Variants in DPH6 observed in about 807,000 individuals in gnomAD.
DPH6 encodes diphthamine biosynthesis 6, also known as diphthine--ammonia ligase.
In DPH6, 33 loss-of-function variants were observed where a neutral mutation model predicts 38.2. That is an observed-to-expected ratio of 0.86 (90% CI 0.65 to 1.15). The LOEUF is 1.15. Among genes scored for constraint, DPH6 ranks in the 50% most tolerant of loss-of-function variants. The pLI, the probability that DPH6 is intolerant of heterozygous loss-of-function variation, is 0.00. For synonymous variants in DPH6, 108 were observed against 103.0 expected, an observed-to-expected ratio of 1.05 and a Z score of -0.30; for missense variants, 325 against 320.0, an observed-to-expected ratio of 1.02 and a Z score of -0.12.
intron 3 of DPH6, among the ~76,000 whole-genome samples, chr15:35,314,411 A>G (rs1483013561): frequency 6.6e-6 from 1 of 152,228 alleles, no homozygotes; most frequent in Non-Finnish European, 1.5e-5. Context: ...ATGTTAAACA[A>G]AAAGCAAATT....
intron 6 of DPH6, among the ~76,000 whole-genome samples, chr15:35,391,814 C>G (rs146479263): frequency 1.0e-3 from 154 of 152,312 alleles, no homozygotes; most frequent in Non-Finnish European, 1.7e-3. Context: ...CCTCGCCCTG[C>G]TTTGGCTCAT....
At chr15:35,507,392 T>C (rs913048013) in intron 3 of DPH6, among the ~76,000 whole-genome samples, 3 of 152,080 alleles carry the variant, frequency 2.0e-5, no homozygotes, top group African/African-American at 2.4e-5. Context: ...GTAATTTTAA[T>C]GAAAATTTGA....
At chr15:35,496,952 T>G (rs866980139) in intron 3 of DPH6, among the ~76,000 whole-genome samples, 1 of 152,086 alleles carries the variant, frequency 6.6e-6, no homozygotes, top group African/African-American at 2.4e-5. Flanking sequence ...CTTATTCAGA[T>G]GCTGCCTGTT....
intron 3 of DPH6, among the ~76,000 whole-genome samples, chr15:35,352,428 C>T (rs541942154): frequency 1.8e-4 from 28 of 152,264 alleles, no homozygotes; most frequent in Middle Eastern, 3.4e-3. Flanking sequence ...TATCCCTCCC[C>T]GCTACCCCCA....
rs949828232 is a variant in DPH6, at chr15:35,454,957, C to T, written c.313-137G>A. ...CAGAGTAATTTACTGAAAATATAAT[C>T]GACATTCAGAAAAAATTTGCATATA... is the stretch of plus-strand genomic sequence containing the variant. On this transcript the variant is annotated intron_variant, in intron 3 of 8. Transcript: ENST00000256538. 4.3e-5 allele frequency: 24 copies of T among 555,628 alleles called. No homozygotes were observed. In the South Asian group the frequency reaches 5.5e-4, roughly 13 times the overall value. 34.4% of individuals were successfully genotyped at this position (555,628 alleles called of 1,614,324 possible).
intron 3 of DPH6, among the ~76,000 whole-genome samples, chr15:35,251,763 C>T (rs2051676116): frequency 6.6e-6 from 1 of 152,344 alleles, no homozygotes; most frequent in South Asian, 2.1e-4. Context: ...CCACACTGTA[C>T]ATTCAGTAAA....
At chr15:35,155,836 A>G in the DPH6 span, among the ~76,000 whole-genome samples, 28 of 152,338 alleles carry the variant, frequency 1.8e-4, no homozygotes, top group Middle Eastern at 3.4e-3. Context: ...TGTAGAAATC[A>G]CATTGTATTT....
At chr15:35,333,083 A>T (rs1382980735) in intron 3 of DPH6, among the ~76,000 whole-genome samples, 2 of 144,234 alleles carry the variant, frequency 1.4e-5, no homozygotes, top group African/African-American at 2.6e-5. Context: ...GAAATGGAGA[A>T]TCAGGAAGCT....
At chr15:35,282,109 T>C (rs188943768) in intron 3 of DPH6, among the ~76,000 whole-genome samples, 87 of 152,302 alleles carry the variant, frequency 5.7e-4, no homozygotes, top group Admixed American at 1.5e-3. Flanking sequence ...ATAAAACTAA[T>C]TTTCTAGTTC....
At chr15:35,237,901 G>A in intron 3 of DPH6, 1 of 1,410,564 alleles carries the variant, frequency 7.1e-7, no homozygotes, top group Non-Finnish European at 1.0e-6. Context: ...AGGAGGAGGA[G>A]GAAGGTGAAG....
chr15:35,298,944 C>G, intron 3 of DPH6: 1 of 788,556 alleles, frequency 1.3e-6, no homozygotes, highest in Non-Finnish European at 2.3e-6. Context: ...TCCGCCCATA[C>G]TTGTTTTCCT....
chr15:35,342,008 C>T (rs1465999514), intron 3 of DPH6, among the ~76,000 whole-genome samples: 1 of 152,170 alleles, frequency 6.6e-6, no homozygotes, highest in Non-Finnish European at 1.5e-5. Flanking sequence ...CTGCCCCTCA[C>T]CACAGGAACT....
intron 3 of DPH6, among the ~76,000 whole-genome samples, chr15:35,500,098 G>A (rs1368038512): frequency 6.6e-6 from 1 of 151,988 alleles, no homozygotes; most frequent in Non-Finnish European, 1.5e-5. Context: ...GGAATATTTT[G>A]GTCCAAACCT....
intron 5 of DPH6, among the ~76,000 whole-genome samples, chr15:35,439,085 T>C (rs540715970): frequency 2.6e-5 from 4 of 152,316 alleles, no homozygotes; most frequent in Non-Finnish European, 4.4e-5. Context: ...TTATAAAAGG[T>C]TTATGACGAT....
chr15:35,537,439 G>GCC (rs1267338531), intron 3 of DPH6, among the ~76,000 whole-genome samples: 33 of 152,036 alleles, frequency 2.2e-4, no homozygotes, highest in Non-Finnish European at 3.8e-4. Flanking sequence ...TTCATACTTA[G>GCC]AAGAATAACT....
At position 35,459,832 on chromosome 15, in the gene DPH6, TAAC is replaced by T. The variant is rs370721575; in HGVS notation, c.313-5015_313-5013del. Among the ~76,000 whole-genome samples the T allele has an allele frequency of 3.4e-3, 514 of 152,288 alleles. 7 individuals are homozygous for T. Among genetic ancestry groups the T allele is most frequent in the African/African-American group, 0.012 (486 of 41,556 alleles). ...TTTTGATGAAAAGGCAAGGACAAAG[TAAC>T]AACATTACCAAGTACCCAGTATGCA... On this transcript the variant is annotated intron_variant, in intron 3 of 8. Coordinates refer to ENST00000256538, the MANE Select transcript of DPH6 (RefSeq NM_080650.4).
chr15:35,467,990 C>A (rs552842583), intron 3 of DPH6, among the ~76,000 whole-genome samples: 1 of 152,096 alleles, frequency 6.6e-6, no homozygotes, highest in Non-Finnish European at 1.5e-5. Context: ...CCTTTGTTAA[C>A]CAAAACATTG....
chr15:35,490,353 A>T (rs1463206847), intron 3 of DPH6, among the ~76,000 whole-genome samples: 1 of 152,206 alleles, frequency 6.6e-6, no homozygotes, highest in African/African-American at 2.4e-5. Flanking sequence ...TAATACCTTC[A>T]GTCTATTTGA....
intron 6 of DPH6, chr15:35,401,805 G>T: frequency 1.7e-6 from 1 of 578,142 alleles, no homozygotes; most frequent in African/African-American, 1.8e-5. Context: ...GGAGAGGAGA[G>T]CCAGAGAAGT....
Sources: allele counts gnomAD v4.1 joint callset (sites outside exome capture counted in the v4.1 genomes callset), GRCh38; gene constraint gnomAD v4.1.1; transcripts MANE v1.5; gene names NCBI Gene and HGNC (gene_info 2026-07-23, HGNC 2026-07-21).